The following CSMD1 variants were observed in gnomAD, a reference collection of about 807,000 sequenced individuals.
CSMD1 encodes CUB and Sushi multiple domains 1.
In CSMD1, 213 loss-of-function variants were observed where a neutral mutation model predicts 417.5. That is an observed-to-expected ratio of 0.51 (90% CI 0.46 to 0.57). CSMD1 has a LOEUF of 0.57. Among genes scored for constraint, CSMD1 ranks in the 20% least tolerant of loss-of-function variants. CSMD1 has a pLI of 0.00. For synonymous variants in CSMD1, 2,862 were observed against 1,736.8 expected (o/e 1.65, Z -16.11); for missense variants, 6,923 against 4,529.7 (o/e 1.53, Z -15.17).
At position 4,034,332 on chromosome 8, in the gene CSMD1, G is replaced by A. The variant is rs371976190; in HGVS notation, c.416-2233C>T. On this transcript the variant is annotated intron_variant, in intron 3 of 69. Coordinates refer to ENST00000635120, the MANE Select transcript of CSMD1 (RefSeq NM_033225.6). ...TGAGATCTCTATTTACATAGTCAAAGTGTATTCAGTTCTAGTTTTTAAGAA... is the reference window on the plus strand; with the variant it reads ...TGAGATCTCTATTTACATAGTCAAAATGTATTCAGTTCTAGTTTTTAAGAA... 1.3e-4 allele frequency among the ~76,000 whole-genome samples: 20 copies of A among 152,296 alleles called. No individual in the cohort carries two copies. In the East Asian group the frequency reaches 2.1e-3, roughly 16 times the overall value.
chr8:3,925,120 C>T (rs1329159853), intron 5 of CSMD1, among the ~76,000 whole-genome samples: 1 of 152,152 alleles, frequency 6.6e-6, no homozygotes, highest in Non-Finnish European at 1.5e-5. Context: ...GTAAAGAGAG[C>T]CTGAGGCAGA....
intron 10 of CSMD1, among the ~76,000 whole-genome samples, chr8:3,545,056 C>G (rs966779040): frequency 1.3e-5 from 2 of 152,078 alleles, no homozygotes; most frequent in African/African-American, 4.8e-5. Context: ...TATGGTATTT[C>G]CTGAATACAA....
At chr8:4,527,719 G>C (rs975179632) in intron 2 of CSMD1, among the ~76,000 whole-genome samples, 1 of 152,178 alleles carries the variant, frequency 6.6e-6, no homozygotes, top group Non-Finnish European at 1.5e-5. Flanking sequence ...TAGGTACACT[G>C]ATAATGAAAT....
chr8:3,219,952 C>T, intron 28 of CSMD1, among the ~76,000 whole-genome samples: 1 of 151,980 alleles, frequency 6.6e-6, no homozygotes, highest in East Asian at 1.9e-4. Context: ...GTTCTCCCAG[C>T]CTAGGTAACA....
chr8:4,743,176 T>C (rs942617884), intron 1 of CSMD1, among the ~76,000 whole-genome samples: 2 of 152,188 alleles, frequency 1.3e-5, no homozygotes, highest in African/African-American at 4.8e-5. Flanking sequence ...TTAGACATAA[T>C]CTATTTCAAG....
At chr8:3,379,393 A>C (rs1482073179) in intron 18 of CSMD1, among the ~76,000 whole-genome samples, 13 of 152,316 alleles carry the variant, frequency 8.5e-5, no homozygotes, top group African/African-American at 2.9e-4. Flanking sequence ...ATTAGAAAAA[A>C]CTACTTAAAA....
intron 1 of CSMD1, among the ~76,000 whole-genome samples, chr8:4,845,386 C>T (rs890661147): frequency 6.6e-6 from 1 of 152,184 alleles, no homozygotes; most frequent in Non-Finnish European, 1.5e-5. Context: ...ATGGGATGAT[C>T]CTGTTTACAA....
chr8:4,871,851 C>A (rs1180164789), intron 1 of CSMD1, among the ~76,000 whole-genome samples: 1 of 152,062 alleles, frequency 6.6e-6, no homozygotes, highest in African/African-American at 2.4e-5. Flanking sequence ...TGCTTGCCAG[C>A]AGGTCTCCAG....
chr8:4,787,510 G>A (rs944229531), intron 1 of CSMD1: 3 of 1,020,562 alleles, frequency 2.9e-6, no homozygotes, highest in Non-Finnish European at 4.6e-6. Context: ...GTATTTTTCA[G>A]TTATTATAGG....
intron 5 of CSMD1, among the ~76,000 whole-genome samples, chr8:3,834,793 G>A (rs934943777): frequency 3.3e-5 from 5 of 151,632 alleles, no homozygotes; most frequent in Admixed American, 1.3e-4. Flanking sequence ...CTACAAAATG[G>A]GAGAAAATTT....
chr8:4,278,526 AAAGT>A lies in CSMD1; in HGVS notation c.415+141423_415+141426del, dbSNP rs556804828. ...AAAAGTAATTGTGAGTTTTACCATT[AAAGT>A]AAGGTACTAAAATACTAAACATATA... On this transcript the variant is annotated intron_variant, in intron 3 of 69. Coordinates refer to ENST00000635120, the MANE Select transcript of CSMD1 (RefSeq NM_033225.6). Among the ~76,000 whole-genome samples the A allele has an allele frequency of 1.4e-4, 21 of 152,358 alleles. 1 individual carries two copies. The South Asian group carries it at 4.1e-3, about 30-fold the overall frequency.
At chr8:3,470,659 T>A (rs912614797) in intron 11 of CSMD1, among the ~76,000 whole-genome samples, 1 of 152,112 alleles carries the variant, frequency 6.6e-6, no homozygotes, top group Non-Finnish European at 1.5e-5. Context: ...TCCCTTAAAA[T>A]CACACTCATG....
chr8:4,077,297 G>GTATATATATATATGTGTATATA (rs1799873673), intron 3 of CSMD1, among the ~76,000 whole-genome samples: 1 of 121,290 alleles, frequency 8.2e-6, no homozygotes, highest in African/African-American at 3.5e-5. Flanking sequence ...ATATATATGT[G>GTATATATATATATGTGTATATA]TATATATATA....
At position 4,059,894 on chromosome 8, in the gene CSMD1, A is replaced by C. The variant is rs1426155584; in HGVS notation, c.416-27795T>G. Among the ~76,000 whole-genome samples, 3 of 151,630 alleles carry C rather than the reference A, an allele frequency of 2.0e-5. No individual in the cohort carries two copies. The South Asian group carries it at 6.3e-4, about 32-fold the overall frequency. ...GAGGAACTGGTACCATTCCTTCTGAAACTATTCCAATCAATAGAAAAAGAG... is the reference window on the plus strand; with the variant it reads ...GAGGAACTGGTACCATTCCTTCTGACACTATTCCAATCAATAGAAAAAGAG... On this transcript the variant is annotated intron_variant, in intron 3 of 69. Coordinates refer to ENST00000635120, the MANE Select transcript of CSMD1 (RefSeq NM_033225.6).
chr8:4,476,029 T>C (rs766254003), intron 2 of CSMD1, among the ~76,000 whole-genome samples: 3 of 152,100 alleles, frequency 2.0e-5, no homozygotes, highest in Non-Finnish European at 4.4e-5. Flanking sequence ...ACAAAAGCAA[T>C]GTATTATTTA....
chr8:3,645,063 G>A (rs912437985), intron 7 of CSMD1, among the ~76,000 whole-genome samples: 6 of 148,886 alleles, frequency 4.0e-5, no homozygotes, highest in Admixed American at 3.3e-4. Flanking sequence ...TGAAGATCCA[G>A]CAGCCTTCTT....
intron 6 of CSMD1, among the ~76,000 whole-genome samples, chr8:3,740,554 C>T (rs1796747121): frequency 6.6e-6 from 1 of 152,064 alleles, no homozygotes; most frequent in African/African-American, 2.4e-5. Flanking sequence ...AGGATTTCTG[C>T]CACAGGGAAA....
At chr8:3,395,524 G>C (rs1483877542) in intron 17 of CSMD1, among the ~76,000 whole-genome samples, 1 of 152,154 alleles carries the variant, frequency 6.6e-6, no homozygotes, top group African/African-American at 2.4e-5. Context: ...CTAAAACTTT[G>C]ATTTCAGTAA....
At chr8:4,168,168 CACACACACAT>C (rs1246340534) in intron 3 of CSMD1, among the ~76,000 whole-genome samples, 14 of 151,276 alleles carry the variant, frequency 9.3e-5, no homozygotes, top group South Asian at 2.1e-4. Flanking sequence ...CACACACACA[CACACACACAT>C]ACACACACAC....
Sources: allele counts gnomAD v4.1 joint callset (sites outside exome capture counted in the v4.1 genomes callset), GRCh38; gene constraint gnomAD v4.1.1; transcripts MANE v1.5; gene names NCBI Gene and HGNC (gene_info 2026-07-23, HGNC 2026-07-21).